SDK2: variants seen among roughly 807,000 people sequenced by gnomAD.
SDK2 encodes the protein sidekick cell adhesion molecule 2.
In SDK2, 105 loss-of-function variants were observed where a neutral mutation model predicts 253.9. That is an observed-to-expected ratio of 0.41 (90% CI 0.35 to 0.49). The LOEUF is 0.49. Among genes scored for constraint, SDK2 ranks in the 20% least tolerant of loss-of-function variants. The probability of loss-of-function intolerance (pLI) is 0.06; values close to 1 mark genes in which losing one functional copy is unlikely to be tolerated. For missense variants in SDK2, 2,608 were observed against 3,003.0 expected (o/e 0.87, Z 3.07); for synonymous variants, 1,249 against 1,234.9 (o/e 1.01, Z -0.24).
In SDK2 at chr17:73,399,268, T is replaced by G; in HGVS notation, c.2993A>C (p.Asn998Thr). 7 of 1,613,384 alleles carry G rather than the reference T, an allele frequency of 4.3e-6. No individual in the cohort carries two copies. The highest frequency in any genetic ancestry group is 5.9e-6 in the Non-Finnish European group (7 of 1,179,584). The change falls in exon 22 of 45, where the codon AAC becomes ACC. Residue 998 changes from asparagine (N) to threonine (T), a missense_variant. This residue lies in a region of SDK2 where 1,505 missense variants were observed against 1,859.1 expected (regional missense o/e 0.81). Transcript: ENST00000392650. The part of the protein sequence containing the change: ...VPPELPGPPT[N>T]LGISNIGPRS... ...GGGGCCGATGTTGGAAATGCCCAGG[T>G]TGGTGGGGGGCCCTGGGAGTTCTGG...
intron 1 of SDK2, among the ~76,000 whole-genome samples, chr17:73,558,422 GAGGGAGGGAGGA>G (rs2045177653): frequency 1.3e-5 from 2 of 151,484 alleles, no homozygotes; most frequent in African/African-American, 4.9e-5. Context: ...GGAAGGGAAG[GAGGGAGGGAGGA>G]AGGGAGGGAG....
At chr17:73,614,488 G>A (rs2046021974) in intron 1 of SDK2, among the ~76,000 whole-genome samples, 1 of 149,418 alleles carries the variant, frequency 6.7e-6, no homozygotes. Context: ...CATGTCCTGG[G>A]CATGTTTGAA....
intron 1 of SDK2, among the ~76,000 whole-genome samples, chr17:73,635,131 A>T (rs1567885767): frequency 6.6e-6 from 1 of 151,980 alleles, no homozygotes; most frequent in Non-Finnish European, 1.5e-5. Context: ...AATTACAGGC[A>T]CGTGCTACCA....
intron 6 of SDK2, 28 bp downstream of exon 6, chr17:73,440,784 C>T (rs569491236): frequency 8.8e-6 from 13 of 1,485,320 alleles, no homozygotes; most frequent in East Asian, 4.9e-5. Flanking sequence ...GTTACGGGTG[C>T]GGGAGCGAGG....
intron 1 of SDK2, among the ~76,000 whole-genome samples, chr17:73,509,101 C>T (rs532660282): frequency 5.3e-5 from 8 of 152,274 alleles, no homozygotes; most frequent in African/African-American, 7.2e-5. Flanking sequence ...CTGGGCACCC[C>T]GACCTTCAGG....
At chr17:73,387,765 C>G in intron 30 of SDK2, 71 bp downstream of exon 30, 1 of 1,382,096 alleles carries the variant, frequency 7.2e-7, no homozygotes. Context: ...GCCCCCTACC[C>G]AGTGGAGGAG....
At chr17:73,483,615 GTATATATA>G (rs1322116082) in intron 2 of SDK2, among the ~76,000 whole-genome samples, 8 of 123,480 alleles carry the variant, frequency 6.5e-5, no homozygotes, top group Non-Finnish European at 1.3e-4. Context: ...GTATATATAT[GTATATATA>G]TGTATATGTA....
At chr17:73,605,811 G>A (rs1199452110) in intron 1 of SDK2, among the ~76,000 whole-genome samples, 5 of 152,162 alleles carry the variant, frequency 3.3e-5, no homozygotes, top group African/African-American at 7.2e-5. Context: ...CGCTCAGCAC[G>A]TAATAAGCGC....
At position 73,388,018 on chromosome 17, in the gene SDK2, GCTGGGGGGCTGCGGA is replaced by G. The variant is rs2062888691; in HGVS notation, c.4197_4211del (p.Pro1400_Ser1404del). ...CATCCTCCTGCTGCACCATCGGCCT[GCTGGGGGGCTGCGGA>G]CGGTCTGGGAGGTGGCAGAGGGGGA... On this transcript the variant is annotated inframe_deletion, in exon 30 of 45. Transcript: ENST00000392650. 1 of 1,567,506 alleles carries G rather than the reference GCTGGGGGGCTGCGGA, an allele frequency of 6.4e-7. No homozygotes were observed. Among genetic ancestry groups the G allele is most frequent in the Non-Finnish European group, 8.6e-7 (1 of 1,157,158 alleles).
Position 73,368,407 on chromosome 17 carries a change from C to A in SDK2, c.5167G>T (p.Ala1723Ser). 1.3e-6 allele frequency: 2 copies of A among 1,531,890 alleles called. No homozygotes were observed. Among genetic ancestry groups the A allele is most frequent in the Non-Finnish European group, 1.8e-6 (2 of 1,137,102 alleles). The allele number at this position is 1,531,890 out of a possible 1,614,324, so 94.9% of individuals were successfully genotyped here. A position where few individuals can be genotyped will look rare whatever the true frequency, so the allele number is the denominator to read the frequency against. ...TPTQGQTQQA[A>S]PSAPSSVKFS... Reference sequence around the variant, plus strand: ...CCCTCCTCAGGGCCCCCTCTCCCACCTGCTTGCTGGGTCTGGCCTTGGGTG... The same window carrying A: ...CCCTCCTCAGGGCCCCCTCTCCCACATGCTTGCTGGGTCTGGCCTTGGGTG... Residue 1723 changes from alanine to serine, a missense_variant and splice_region_variant, in exon 37 of 45, where the codon GCC (alanine) becomes TCC (serine). Transcript: ENST00000392650.
intron 1 of SDK2, among the ~76,000 whole-genome samples, chr17:73,533,765 G>A (rs1461785720): frequency 6.7e-6 from 1 of 148,474 alleles, no homozygotes; most frequent in Non-Finnish European, 1.5e-5. Flanking sequence ...GTCTTCGCCA[G>A]GTTCCCTGTC....
intron 3 of SDK2, among the ~76,000 whole-genome samples, chr17:73,468,834 T>C (rs560624308): frequency 1.0e-3 from 135 of 134,068 alleles, no homozygotes; most frequent in African/African-American, 3.1e-3. Flanking sequence ...CTTATTTTTA[T>C]TTTTTTTTGA....
intron 37 of SDK2, among the ~76,000 whole-genome samples, chr17:73,367,181 G>GT (rs1255035740): frequency 1.3e-5 from 2 of 152,088 alleles, no homozygotes; most frequent in African/African-American, 4.8e-5. Flanking sequence ...AATTTTTGTA[G>GT]TTTTTTAAGT....
At chr17:73,536,825 G>A (rs1379504517) in intron 1 of SDK2, among the ~76,000 whole-genome samples, 1 of 152,138 alleles carries the variant, frequency 6.6e-6, no homozygotes, top group East Asian at 1.9e-4. Flanking sequence ...GGAGACTGTA[G>A]CCCCGCCTCC....
intron 16 of SDK2, among the ~76,000 whole-genome samples, chr17:73,416,338 C>T (rs1004164498): frequency 1.3e-5 from 2 of 151,158 alleles, no homozygotes; most frequent in African/African-American, 4.9e-5. Context: ...GCTGGGATTA[C>T]AGGCATGTGC....
At chr17:73,545,092 C>G (rs553849589) in intron 1 of SDK2, among the ~76,000 whole-genome samples, 1 of 138,912 alleles carries the variant, frequency 7.2e-6, no homozygotes, top group African/African-American at 3.0e-5. Context: ...ATTGCGTGCA[C>G]GTGCACGCAC....
At chr17:73,631,441 G>A (rs1427109805) in intron 1 of SDK2, among the ~76,000 whole-genome samples, 2 of 152,224 alleles carry the variant, frequency 1.3e-5, no homozygotes, top group Admixed American at 6.5e-5. Context: ...ACCGGGCACC[G>A]TCTCAGGGCA....
chr17:73,431,763 G>A lies in SDK2; in HGVS notation c.1313-94C>T, dbSNP rs1212654273. The A allele has an allele frequency of 7.7e-7, 1 of 1,300,138 alleles. No homozygotes were observed. The highest frequency in any genetic ancestry group is 1.5e-5 in the African/African-American group (1 of 66,568). The allele number at this position is 1,300,138 out of a possible 1,614,324, so 80.5% of individuals were successfully genotyped here. A position where few individuals can be genotyped will look rare whatever the true frequency, so the allele number is the denominator to read the frequency against. ...TCCAGGGCAGCATGGTCCCCCCACA[G>A]GCCCCTGGCTCTGGAAATGCTGGAA... On this transcript the variant is annotated intron_variant, in intron 10 of 44. Coordinates refer to ENST00000392650, the MANE Select transcript of SDK2 (RefSeq NM_001144952.2). This position sits in a 1 kb window ranked among gnomAD's most constrained non-coding sequence, Gnocchi z 5.6.
intron 1 of SDK2, among the ~76,000 whole-genome samples, chr17:73,582,539 C>T (rs911325506): frequency 3.3e-5 from 5 of 152,198 alleles, no homozygotes; most frequent in African/African-American, 4.8e-5. Context: ...GTAGAAGCCC[C>T]GCTAGCCTGC....
Sources: allele counts gnomAD v4.1 joint callset (sites outside exome capture counted in the v4.1 genomes callset), GRCh38; gene constraint gnomAD v4.1.1; regional missense constraint gnomAD v4.1.1; non-coding constraint Gnocchi (gnomAD v3.1); transcripts MANE v1.5; gene names NCBI Gene and HGNC (gene_info 2026-07-23, HGNC 2026-07-21).